Variants in DYNC2LI1 observed in about 807,000 individuals in gnomAD.
The protein encoded by DYNC2LI1 is cytoplasmic dynein 2 light intermediate chain 1.
DYNC2LI1 carries 45 observed loss-of-function variants against 51.9 expected under a neutral mutation model. That is an observed-to-expected ratio of 0.87 (90% CI 0.68 to 1.11). DYNC2LI1 has a LOEUF of 1.11. DYNC2LI1 is among the 50% of genes most tolerant of loss of function. The pLI, the probability that DYNC2LI1 is intolerant of heterozygous loss-of-function variation, is 0.00. For synonymous variants in DYNC2LI1, 130 were observed against 137.8 expected (o/e 0.94, Z 0.40); for missense variants, 490 against 417.4 (o/e 1.17, Z -1.51).
intron 8 of DYNC2LI1, 79 bp from the exon 9 acceptor site, chr2:43,800,762 G>T (rs752695858): frequency 1.6e-5 from 12 of 737,462 alleles, no homozygotes; most frequent in Non-Finnish European, 2.4e-5. Context: ...ATCTGTATTT[G>T]TTCAAAGCCA....
intron 6 of DYNC2LI1, 67 bp downstream of exon 6, chr2:43,794,710 A>C (rs368166400): frequency 3.1e-5 from 50 of 1,611,048 alleles, no homozygotes; most frequent in Non-Finnish European, 4.1e-5. Context: ...TAACATCACA[A>C]ACAACTTCTT....
intron 8 of DYNC2LI1, among the ~76,000 whole-genome samples, chr2:43,800,183 A>G (rs1666028093): frequency 6.6e-6 from 1 of 152,214 alleles, no homozygotes; most frequent in African/African-American, 2.4e-5. Flanking sequence ...ATGTCCTGGT[A>G]TTCATCTGAT....
Position 43,778,356 on chromosome 2 carries a change from G to T in DYNC2LI1, c.126+1457G>T, listed in dbSNP as rs1283135316. Among the ~76,000 whole-genome samples, 3 of 152,020 alleles carry T rather than the reference G, an allele frequency of 2.0e-5. No homozygotes were observed. In the East Asian group the frequency reaches 5.8e-4, roughly 29 times the overall value. On this transcript the variant is annotated intron_variant, in intron 2 of 12. Transcript: ENST00000260605. ...TTTAATAGAGATGGGGTTTCACTGC[G>T]TTGCCCAGGCTGACCTCAAACTCCT...
chr2:43,813,347 A>G (rs747235883), downstream of DYNC2LI1: 1 of 1,439,686 alleles, frequency 6.9e-7, no homozygotes, highest in Non-Finnish European at 9.7e-7. Flanking sequence ...GGTGTGGTTT[A>G]TCTCAGGTAA....
chr2:43,777,646 G>T (rs556706637), intron 2 of DYNC2LI1, among the ~76,000 whole-genome samples: 1 of 152,176 alleles, frequency 6.6e-6, no homozygotes, highest in African/African-American at 2.4e-5. Flanking sequence ...CCACTTAAGC[G>T]CATTGACAAA....
At chr2:43,796,635 ATC>A (rs1674047827) in intron 7 of DYNC2LI1, 81 bp from the exon 8 acceptor site, 5 of 986,752 alleles carry the variant, frequency 5.1e-6, no homozygotes, top group Non-Finnish European at 6.1e-6. Flanking sequence ...ATAAGAAATA[ATC>A]TATTCTACAT....
chr2:43,794,986 C>G (rs1487081846), intron 6 of DYNC2LI1: 14 of 1,194,414 alleles, frequency 1.2e-5, no homozygotes, highest in Middle Eastern at 3.4e-4. Context: ...CTGACAAAGA[C>G]TAGATGAAGC....
chr2:43,827,958 A>C, the DYNC2LI1 span: 57 of 1,613,606 alleles, frequency 3.5e-5, no homozygotes, highest in African/African-American at 7.2e-4. Flanking sequence ...GACAGCAGCT[A>C]GTAACAGTTC....
intron 4 of DYNC2LI1, among the ~76,000 whole-genome samples, chr2:43,789,313 ATT>A (rs1384345838): frequency 6.6e-6 from 1 of 152,186 alleles, no homozygotes; most frequent in Non-Finnish European, 1.5e-5. Context: ...GAACGGGTTA[ATT>A]TTTATCTAAA....
intron 4 of DYNC2LI1, among the ~76,000 whole-genome samples, chr2:43,787,736 T>A (rs1014457337): frequency 6.6e-6 from 1 of 152,202 alleles, no homozygotes; most frequent in Non-Finnish European, 1.5e-5. Flanking sequence ...CTCTTCAGGA[T>A]AGAAGAAGGG....
At chr2:43,819,773 C>T in the DYNC2LI1 span, 1,882 of 880,246 alleles carry the variant, frequency 2.1e-3, 20 homozygotes, top group African/African-American at 0.028. Flanking sequence ...CAATGATTAA[C>T]GAGCAGTATA....
At chr2:43,828,219 C>G in the DYNC2LI1 span, 1 of 1,517,858 alleles carries the variant, frequency 6.6e-7, no homozygotes, top group Non-Finnish European at 9.0e-7. Flanking sequence ...GCCCAAGAAT[C>G]CAAGGGCCAC....
chr2:43,813,708 CGT>C (rs1666621784), downstream of DYNC2LI1, among the ~76,000 whole-genome samples: 3 of 35,374 alleles, frequency 8.5e-5, no homozygotes, highest in East Asian at 7.1e-4. Flanking sequence ...TTTTTTTTTT[CGT>C]TTTTTTTTTT....
At chr2:43,791,289 G>A (rs1039911876) in intron 5 of DYNC2LI1, among the ~76,000 whole-genome samples, 4 of 152,220 alleles carry the variant, frequency 2.6e-5, no homozygotes, top group Middle Eastern at 3.4e-3. Flanking sequence ...GGCTGAAAGG[G>A]TGAAAATACA....
Position 43,791,757 on chromosome 2 carries a change from C to G in DYNC2LI1, c.320+2036C>G, listed in dbSNP as rs145961807. Among the ~76,000 whole-genome samples the G allele has an allele frequency of 2.0e-4, 30 of 152,314 alleles. 1 individual carries two copies. The highest frequency in any genetic ancestry group is 7.0e-4 in the African/African-American group (29 of 41,570). Reference sequence around the variant, plus strand: ...CCAAATACTGTTAGATACTGTTTATCTTTGAAATAACTGTTTATAGAATTA... The same window carrying G: ...CCAAATACTGTTAGATACTGTTTATGTTTGAAATAACTGTTTATAGAATTA... On this transcript the variant is annotated intron_variant, in intron 5 of 12. Transcript: ENST00000260605.
At chr2:43,790,809 AT>A (rs1673746879) in intron 5 of DYNC2LI1, among the ~76,000 whole-genome samples, 1 of 151,898 alleles carries the variant, frequency 6.6e-6, no homozygotes, top group Non-Finnish European at 1.5e-5. Context: ...CTATGATTTT[AT>A]TTTTCAGGAA....
At chr2:43,774,657 C>T (rs188969539) in intron 1 of DYNC2LI1, among the ~76,000 whole-genome samples, 13 of 152,332 alleles carry the variant, frequency 8.5e-5, no homozygotes, top group Admixed American at 8.5e-4. Context: ...TATTCCTAAA[C>T]CTTTTCTCAA....
intron 2 of DYNC2LI1, among the ~76,000 whole-genome samples, chr2:43,780,143 A>G (rs989552571): frequency 2.6e-5 from 4 of 152,184 alleles, no homozygotes; most frequent in African/African-American, 9.7e-5. Context: ...AAGGTCAAAG[A>G]GTTATTACTG....
intron 3 of DYNC2LI1, among the ~76,000 whole-genome samples, chr2:43,783,844 A>G (rs1434216796): frequency 6.6e-6 from 1 of 152,180 alleles, no homozygotes; most frequent in Non-Finnish European, 1.5e-5. Flanking sequence ...CTACTCTGAT[A>G]TTTAAATTAT....
Sources: gnomAD v4.1 joint callset for allele counts (sites outside exome capture counted in the v4.1 genomes callset) on GRCh38, gnomAD v4.1.1 for gene constraint, MANE v1.5 for transcripts, NCBI Gene and HGNC (gene_info 2026-07-23, HGNC 2026-07-21) for gene names.